MAP4K4: variants seen among roughly 807,000 people sequenced by gnomAD.
MAP4K4 encodes HPK/GCK-like kinase HGK.
MAP4K4 carries 38 observed loss-of-function variants against 189.6 expected under a neutral mutation model. The observed-to-expected ratio is 0.20, with a 90% CI of 0.15 to 0.26. MAP4K4 has a LOEUF of 0.26. Among genes scored for constraint, MAP4K4 ranks in the 10% least tolerant of loss-of-function variants. The pLI, the probability that MAP4K4 is intolerant of heterozygous loss-of-function variation, is 1.00. For synonymous variants in MAP4K4, 610 were observed against 624.3 expected, an observed-to-expected ratio of 0.98 and a Z score of 0.34; for missense variants, 1,054 against 1,726.9, an observed-to-expected ratio of 0.61 and a Z score of 6.91.
intron 2 of MAP4K4, among the ~76,000 whole-genome samples, chr2:101,775,883 GTGTTTT>G (rs1466787879): frequency 1.3e-5 from 2 of 152,226 alleles, no homozygotes; most frequent in Non-Finnish European, 2.9e-5. Context: ...CTGTGGGTCA[GTGTTTT>G]TGTTGGAGTG....
In MAP4K4 at chr2:101,860,994, CA is replaced by C; in HGVS notation, c.1866+9del. Reference sequence around the variant, plus strand: ...AGACCAGCGGAGCCACAGGTAGCGACAGCCAGCTTTGCTGTGGTTGAGGAGA... The same window carrying C: ...AGACCAGCGGAGCCACAGGTAGCGACGCCAGCTTTGCTGTGGTTGAGGAGA... On this transcript the variant is annotated intron_variant, in intron 16 of 32. Coordinates refer to ENST00000324219, the Ensembl canonical transcript of MAP4K4. 1 of 1,586,356 alleles carries C rather than the reference CA, an allele frequency of 6.3e-7. No homozygotes were observed. The highest frequency in any genetic ancestry group is 8.6e-7 in the Non-Finnish European group (1 of 1,166,546).
At chr2:101,873,817 G>A in intron 25 of MAP4K4, 53 bp downstream of exon 25, 1 of 1,336,524 alleles carries the variant, frequency 7.5e-7, no homozygotes, top group East Asian at 2.3e-5. Context: ...TTATCTTTGA[G>A]TTGCTCTTTT....
chr2:101,805,118 A>G (rs2149048077), intron 3 of MAP4K4, among the ~76,000 whole-genome samples: 1 of 149,966 alleles, frequency 6.7e-6, no homozygotes, highest in African/African-American at 2.5e-5. Flanking sequence ...TGACCTTTTT[A>G]TTGAAGTGAA....
chr2:101,832,731 T>A (rs572724724), intron 7 of MAP4K4, among the ~76,000 whole-genome samples: 7 of 152,344 alleles, frequency 4.6e-5, no homozygotes, highest in African/African-American at 1.4e-4. Context: ...CTGACTGGTA[T>A]GCAGAACAAG....
intron 5 of MAP4K4, among the ~76,000 whole-genome samples, chr2:101,828,795 A>G (rs1222284940): frequency 1.3e-5 from 2 of 152,200 alleles, no homozygotes; most frequent in Non-Finnish European, 2.9e-5. Flanking sequence ...TGTGAGAATG[A>G]TGCATTGCTG....
Position 101,809,882 on chromosome 2 carries a change from C to G in MAP4K4, c.181-14046C>G, listed in dbSNP as rs182421850. ...ACATCTGGTCTAAAGATGTAGTTCT[C>G]TCTCCTGCAACTGTATGTAAATCAT... On this transcript the variant is annotated intron_variant, in intron 3 of 32. Transcript: ENST00000324219. 2.5e-4 allele frequency among the ~76,000 whole-genome samples: 38 copies of G among 152,368 alleles called. 1 individual carries two copies. In the East Asian group the frequency reaches 6.7e-3, roughly 27 times the overall value.
exon 33 of MAP4K4, chr2:101,891,955 A>T (rs2098574164): frequency 8.0e-6 from 1 of 125,418 alleles, no homozygotes; most frequent in Non-Finnish European, 1.6e-5. Flanking sequence ...TTTTCTGTGT[A>T]CCAGGTTGCC....
At chr2:101,878,355 C>A (rs927514534) in intron 27 of MAP4K4, among the ~76,000 whole-genome samples, 1 of 152,102 alleles carries the variant, frequency 6.6e-6, no homozygotes, top group African/African-American at 2.4e-5. Flanking sequence ...AGTCAGCATC[C>A]CTGTTCCTCC....
chr2:101,744,828 C>A (rs1037927634), intron 2 of MAP4K4, among the ~76,000 whole-genome samples: 4 of 152,128 alleles, frequency 2.6e-5, no homozygotes, highest in African/African-American at 9.7e-5. Flanking sequence ...ACCTTTAAAG[C>A]CTCTGTTATT....
intron 2 of MAP4K4, among the ~76,000 whole-genome samples, chr2:101,768,956 CTG>C (rs982064588): frequency 2.0e-5 from 3 of 152,302 alleles, no homozygotes; most frequent in Non-Finnish European, 4.4e-5. Flanking sequence ...TAATTTGAAA[CTG>C]TAGTGGTGTT....
chr2:101,720,548 A>G (rs866943900), intron 2 of MAP4K4, among the ~76,000 whole-genome samples: 29 of 152,094 alleles, frequency 1.9e-4, no homozygotes, highest in Middle Eastern at 3.4e-3. Context: ...ACTGGCTAAA[A>G]GATCTGTCAG....
At chr2:101,698,180 G>T in intron 1 of MAP4K4, 43 bp downstream of exon 1, 2 of 936,074 alleles carry the variant, frequency 2.1e-6, no homozygotes, top group Non-Finnish European at 2.6e-6. Flanking sequence ...CGGGCAGCCG[G>T]CAGCCGGCAG....
chr2:101,871,819 C>T (rs2098035012), intron 24 of MAP4K4, 134 bp downstream of exon 24: 1 of 757,274 alleles, frequency 1.3e-6, no homozygotes. Flanking sequence ...ACCTACCCTT[C>T]TCCCCAACCC....
intron 17 of MAP4K4, 95 bp downstream of exon 17, chr2:101,864,146 C>A: frequency 4.9e-6 from 3 of 616,830 alleles, no homozygotes; most frequent in Non-Finnish European, 7.1e-6. Flanking sequence ...GCAACTTGAC[C>A]AAATTTAAAG....
At chr2:101,810,908 G>T (rs1480376132) in intron 3 of MAP4K4, among the ~76,000 whole-genome samples, 1 of 152,164 alleles carries the variant, frequency 6.6e-6, no homozygotes, top group African/African-American at 2.4e-5. Flanking sequence ...TGTTGAATGT[G>T]CACAAGTCTA....
At chr2:101,830,751 C>A (rs557713234) in intron 6 of MAP4K4, among the ~76,000 whole-genome samples, 1 of 152,236 alleles carries the variant, frequency 6.6e-6, no homozygotes, top group East Asian at 1.9e-4. Context: ...CTGTGATAGT[C>A]CCTGAGCGAT....
chr2:101,864,098 ATT>A, intron 17 of MAP4K4, 47 bp downstream of exon 17: 1 of 1,083,262 alleles, frequency 9.2e-7, no homozygotes, highest in Non-Finnish European at 1.2e-6. Flanking sequence ...CCTTTTTGTT[ATT>A]TTTTTTTAAA....
chr2:101,827,954 T>G (rs1184092120), intron 5 of MAP4K4, among the ~76,000 whole-genome samples: 4 of 152,252 alleles, frequency 2.6e-5, no homozygotes, highest in African/African-American at 9.6e-5. Context: ...TAAGGAAGGA[T>G]AATTGTGGCC....
chr2:101,708,807 T>C (rs1409701512), intron 2 of MAP4K4, among the ~76,000 whole-genome samples: 1 of 152,216 alleles, frequency 6.6e-6, no homozygotes, highest in Non-Finnish European at 1.5e-5. Flanking sequence ...CAACCAATAA[T>C]CTGCCAGTAT....
Sources: gnomAD v4.1 joint callset for allele counts (sites outside exome capture counted in the v4.1 genomes callset) on GRCh38, gnomAD v4.1.1 for gene constraint, MANE v1.5 for transcripts, NCBI Gene and HGNC (gene_info 2026-07-23, HGNC 2026-07-21) for gene names.